Variants in SGCD observed in about 807,000 individuals in gnomAD.
SGCD encodes the protein sarcoglycan delta, also known as delta-sarcoglycan.
A neutral mutation model predicts 36.6 loss-of-function variants in SGCD; 18 were observed. That is an observed-to-expected ratio of 0.49 (90% CI 0.34 to 0.73). SGCD has a LOEUF of 0.73. SGCD is among the 30% of genes least tolerant of loss of function. The pLI, the probability that SGCD is intolerant of heterozygous loss-of-function variation, is 0.01. For synonymous variants in SGCD, 133 were observed against 130.6 expected (o/e 1.02, Z -0.12); for missense variants, 387 against 346.7 (o/e 1.12, Z -0.92).
chr5:156,630,763 G>GA (rs934616517), intron 6 of SGCD, among the ~76,000 whole-genome samples: 2 of 152,210 alleles, frequency 1.3e-5, no homozygotes, highest in African/African-American at 4.8e-5. Context: ...ATGGACCCAT[G>GA]AAACAGTGCT....
intron 4 of SGCD, among the ~76,000 whole-genome samples, chr5:156,537,897 C>T (rs1581135091): frequency 6.6e-6 from 1 of 151,886 alleles, no homozygotes; most frequent in East Asian, 1.9e-4. Context: ...CTTCTTCTGC[C>T]TTCTCATGGT....
In SGCD at chr5:156,083,533, G is replaced by T. The variant is rs1259253369; in HGVS notation, c.-281-34345G>T. Among the ~76,000 whole-genome samples, 7 of 150,946 alleles carry T rather than the reference G, an allele frequency of 4.6e-5. No individual in the cohort carries two copies. In the East Asian group the frequency reaches 9.8e-4, roughly 21 times the overall value. On this transcript the variant is annotated intron_variant, in intron 1 of 9. Transcript: ENST00000517913. ...TGGTCTCGAACTCCTGACCTCAGGT[G>T]ATCTGCCCGCCTCAACATCCCAAAG...
chr5:156,762,440 C>G lies in SGCD; in HGVS notation c.*3050C>G, dbSNP rs1415960885. Reference sequence around the variant, plus strand: ...CAAAAGCCCTTATGGTGACATCTACCTAGGTAAAAGCCTGACATGTGGCTT... The same window carrying G: ...CAAAAGCCCTTATGGTGACATCTACGTAGGTAAAAGCCTGACATGTGGCTT... On this transcript the variant is annotated 3_prime_UTR_variant, in exon 9 of 9. Transcript: ENST00000337851. 5.2e-5 allele frequency: 8 copies of G among 152,616 alleles called. No homozygotes were observed. Among genetic ancestry groups the G allele is most frequent in the Admixed American group, 5.2e-4 (8 of 15,280 alleles). 9.5% of individuals were successfully genotyped at this position (152,616 alleles called of 1,614,324 possible). A position where few individuals can be genotyped will look rare whatever the true frequency, so the allele number is the denominator to read the frequency against.
At chr5:155,877,303 G>T (rs1243997589) in intron 1 of SGCD, among the ~76,000 whole-genome samples, 1 of 152,092 alleles carries the variant, frequency 6.6e-6, no homozygotes, top group East Asian at 1.9e-4. Flanking sequence ...GTCTGATAGG[G>T]TTTGCCAAGT....
At chr5:156,132,917 T>C (rs1762363015) in intron 3 of SGCD, among the ~76,000 whole-genome samples, 1 of 152,234 alleles carries the variant, frequency 6.6e-6, no homozygotes, top group African/African-American at 2.4e-5. Context: ...GGAATCATGA[T>C]TTCTTGTGAA....
At chr5:156,633,349 G>T (rs371715228) in intron 6 of SGCD, among the ~76,000 whole-genome samples, 31 of 152,340 alleles carry the variant, frequency 2.0e-4, no homozygotes, top group African/African-American at 7.5e-4. Context: ...AAAAGCAGTT[G>T]TGAGTAGGAT....
chr5:155,728,885 C>T, the SGCD span, among the ~76,000 whole-genome samples: 1 of 152,222 alleles, frequency 6.6e-6, no homozygotes, highest in African/African-American at 2.4e-5. Context: ...GAGTGCGTAG[C>T]CTTCGCCGCG....
chr5:156,577,964 T>G (rs1310790394), intron 4 of SGCD, among the ~76,000 whole-genome samples: 1 of 151,972 alleles, frequency 6.6e-6, no homozygotes, highest in Non-Finnish European at 1.5e-5. Context: ...TGAATAGGAG[T>G]GGTGAGAGAG....
At chr5:156,502,222 A>G (rs946320414) in intron 3 of SGCD, among the ~76,000 whole-genome samples, 1 of 150,826 alleles carries the variant, frequency 6.6e-6, no homozygotes, top group Admixed American at 6.6e-5. Context: ...AATTTTTTGT[A>G]TTTTTAGTAG....
intron 1 of SGCD, among the ~76,000 whole-genome samples, chr5:156,086,332 C>T (rs1424616075): frequency 6.6e-6 from 1 of 152,214 alleles, no homozygotes; most frequent in Non-Finnish European, 1.5e-5. Context: ...TTCTACTGTT[C>T]ACCACTTGCG....
intron 7 of SGCD, among the ~76,000 whole-genome samples, chr5:156,707,292 C>G (rs1754784556): frequency 6.6e-6 from 1 of 152,154 alleles, no homozygotes; most frequent in African/African-American, 2.4e-5. Flanking sequence ...TGTCATGGAA[C>G]ACATTAACTG....
chr5:156,304,555 A>G (rs1767151011), intron 3 of SGCD, among the ~76,000 whole-genome samples: 2 of 152,196 alleles, frequency 1.3e-5, no homozygotes. Flanking sequence ...GCCCAGTCTC[A>G]GGTATGTCTT....
intron 4 of SGCD, among the ~76,000 whole-genome samples, chr5:156,576,871 G>C (rs551023283): frequency 1.3e-5 from 2 of 152,036 alleles, no homozygotes; most frequent in South Asian, 2.1e-4. Flanking sequence ...TAGGTTACCT[G>C]TTCACTCTGA....
rs117665905 is a variant in SGCD, at chr5:156,223,098, A to G, written c.-44+99079A>G. 2.0e-4 allele frequency among the ~76,000 whole-genome samples: 31 copies of G among 152,228 alleles called. No individual in the cohort carries two copies. In the East Asian group the frequency reaches 5.6e-3, roughly 27 times the overall value. The stretch of plus-strand genomic sequence containing the variant: ...TTCTATTTGGAAGAATGTAAAGGGG[A>G]GTCTGTGGTTTGGCAGTGGGTGGTC... On this transcript the variant is annotated intron_variant, in intron 3 of 9. Coordinates refer to the SGCD transcript ENST00000517913.
intron 7 of SGCD, among the ~76,000 whole-genome samples, chr5:156,719,146 T>C (rs1209871615): frequency 3.3e-5 from 5 of 152,106 alleles, no homozygotes; most frequent in Non-Finnish European, 4.4e-5. Flanking sequence ...CACACACTTG[T>C]AGAGGCTTGG....
chr5:156,243,245 A>G (rs1351075574), intron 3 of SGCD, among the ~76,000 whole-genome samples: 1 of 152,232 alleles, frequency 6.6e-6, no homozygotes, highest in African/African-American at 2.4e-5. Flanking sequence ...GGGCTTCCAC[A>G]TGGAACAGTG....
chr5:156,237,119 G>A (rs1047452869), intron 3 of SGCD, among the ~76,000 whole-genome samples: 6 of 152,022 alleles, frequency 3.9e-5, no homozygotes, highest in African/African-American at 1.4e-4. Flanking sequence ...ACAGACATGA[G>A]CCACTATGCC....
At chr5:156,399,940 C>G (rs1772055342) in intron 3 of SGCD, among the ~76,000 whole-genome samples, 1 of 152,172 alleles carries the variant, frequency 6.6e-6, no homozygotes, top group South Asian at 2.1e-4. Context: ...TTTCCATAAT[C>G]TGGTACAGCA....
At chr5:156,401,568 C>T (rs548688756) in intron 3 of SGCD, among the ~76,000 whole-genome samples, 4 of 152,124 alleles carry the variant, frequency 2.6e-5, no homozygotes, top group African/African-American at 9.7e-5. Context: ...AAGAAAGCCA[C>T]AGGTGGTAGC....
Sources: gnomAD v4.1 joint callset for allele counts (sites outside exome capture counted in the v4.1 genomes callset) on GRCh38, gnomAD v4.1.1 for gene constraint, MANE v1.5 for transcripts, NCBI Gene and HGNC (gene_info 2026-07-23, HGNC 2026-07-21) for gene names.